The following DUSP29 variants were observed in gnomAD, a reference collection of about 807,000 sequenced individuals.
The protein encoded by DUSP29 is atypical dual-specific protein phosphatase.
Under a neutral mutation model 13.5 loss-of-function variants are expected in DUSP29, and 12 were observed. The ratio of observed to expected loss-of-function variants is 0.89; its 90% CI spans 0.57 to 1.44. The LOEUF (loss-of-function observed/expected upper bound fraction) is 1.44. Ranked by LOEUF, DUSP29 falls within the 40% of genes most tolerant of loss-of-function variation. DUSP29 has a pLI of 0.00. For synonymous variants in DUSP29, 134 were observed against 128.7 expected (o/e 1.04, Z -0.28); for missense variants, 308 against 301.1 (o/e 1.02, Z -0.17).
chr10:75,072,091 A>G (rs1183652865), intron 1 of DUSP29, among the ~76,000 whole-genome samples: 3 of 152,212 alleles, frequency 2.0e-5, no homozygotes, highest in Admixed American at 6.5e-5. Context: ...CTTCTACTCA[A>G]TAAAACCTTG....
chr10:75,044,121 T>C, intron 2 of DUSP29, 104 bp from the exon 3 acceptor site: 1 of 1,106,228 alleles, frequency 9.0e-7, no homozygotes, highest in Non-Finnish European at 1.3e-6. Flanking sequence ...AGTTCCAGAA[T>C]GAGGACTAGT....
At chr10:75,066,691 C>T (rs1011030428) in intron 1 of DUSP29, among the ~76,000 whole-genome samples, 2 of 152,098 alleles carry the variant, frequency 1.3e-5, no homozygotes, top group Non-Finnish European at 2.9e-5. Context: ...TCACCCAAAA[C>T]CCCCGGGCCG....
At chr10:75,052,881 C>T (rs1846874180) in intron 2 of DUSP29, among the ~76,000 whole-genome samples, 1 of 152,264 alleles carries the variant, frequency 6.6e-6, no homozygotes, top group African/African-American at 2.4e-5. Flanking sequence ...GTTATACTTT[C>T]CTGCCCCACT....
chr10:75,056,643 G>A (rs1208048380), intron 2 of DUSP29, among the ~76,000 whole-genome samples: 3 of 151,934 alleles, frequency 2.0e-5, no homozygotes. Flanking sequence ...CTCCAGCCTG[G>A]GTGACAGAGG....
chr10:75,053,465 A>G (rs1846889929), intron 2 of DUSP29, among the ~76,000 whole-genome samples: 1 of 152,222 alleles, frequency 6.6e-6, no homozygotes. Flanking sequence ...ATTTCATTTA[A>G]TCTTCACCCA....
intron 2 of DUSP29, among the ~76,000 whole-genome samples, chr10:75,052,322 T>C (rs1195286222): frequency 3.5e-5 from 5 of 143,014 alleles, no homozygotes; most frequent in South Asian, 2.5e-4. Flanking sequence ...TTTTTTTTTT[T>C]CTTGAGACGG....
intron 2 of DUSP29, among the ~76,000 whole-genome samples, chr10:75,057,829 A>G (rs1288021516): frequency 6.6e-6 from 1 of 152,222 alleles, no homozygotes; most frequent in East Asian, 1.9e-4. Context: ...GCTAGCTAAA[A>G]TAAAAGACTA....
chr10:75,048,094 G>A (rs752521338), intron 2 of DUSP29, among the ~76,000 whole-genome samples: 22 of 152,106 alleles, frequency 1.4e-4, no homozygotes, highest in South Asian at 4.1e-4. Context: ...GTTTATGTCC[G>A]TAGGAGACAT....
chr10:75,050,406 A>T (rs1589860933), intron 2 of DUSP29, among the ~76,000 whole-genome samples: 2 of 152,392 alleles, frequency 1.3e-5, no homozygotes, highest in Non-Finnish European at 2.9e-5. Flanking sequence ...GGAGGACAAC[A>T]CTTGGTTAAC....
Position 75,039,400 on chromosome 10 carries a change from C to T in DUSP29, c.422-1323G>A, listed in dbSNP as rs184036896. Among the ~76,000 whole-genome samples the T allele has an allele frequency of 6.6e-5, 10 of 152,234 alleles. No individual in the cohort carries two copies. The East Asian group carries it at 1.5e-3, about 24-fold the overall frequency. Reference sequence around the variant, plus strand: ...AGTCGTGGTGGTGCACCTGTAGTCCCGGCTACTCAGGAGGCGGAGGCAGGA... The same window carrying T: ...AGTCGTGGTGGTGCACCTGTAGTCCTGGCTACTCAGGAGGCGGAGGCAGGA... On this transcript the variant is annotated intron_variant, in intron 3 of 3. Coordinates refer to ENST00000338487, the MANE Select transcript of DUSP29 (RefSeq NM_001003892.3).
intron 1 of DUSP29, among the ~76,000 whole-genome samples, chr10:75,073,013 G>A (rs1468468140): frequency 2.0e-5 from 3 of 150,128 alleles, no homozygotes; most frequent in Non-Finnish European, 3.0e-5. Flanking sequence ...TCTCTACCAC[G>A]GCAGCGTCAT....
At chr10:75,047,203 C>A (rs1428144276) in intron 2 of DUSP29, among the ~76,000 whole-genome samples, 2 of 152,190 alleles carry the variant, frequency 1.3e-5, no homozygotes, top group Non-Finnish European at 2.9e-5. Flanking sequence ...GAGTTGGTAT[C>A]CTCACACATC....
intron 2 of DUSP29, 66 bp downstream of exon 2, chr10:75,058,249 G>A: frequency 1.3e-6 from 2 of 1,541,994 alleles, no homozygotes; most frequent in Non-Finnish European, 1.8e-6. Flanking sequence ...CTAGGAGGTG[G>A]CGCAGGGCGT....
intron 1 of DUSP29, 100 bp from the exon 2 acceptor site, chr10:75,058,648 G>A (rs1847020412): frequency 1.9e-6 from 2 of 1,070,948 alleles, no homozygotes; most frequent in East Asian, 2.6e-5. Context: ...CTTAAAATTT[G>A]GAAAGAGTTT....
intron 3 of DUSP29, 74 bp from the exon 4 acceptor site, chr10:75,038,151 A>G (rs956311430): frequency 1.3e-6 from 2 of 1,536,068 alleles, no homozygotes; most frequent in African/African-American, 2.7e-5. Flanking sequence ...GCCCACTCCC[A>G]TCCTGACTGT....
intron 3 of DUSP29, among the ~76,000 whole-genome samples, chr10:75,040,095 G>A (rs1846552067): frequency 6.6e-6 from 1 of 152,106 alleles, no homozygotes; most frequent in Admixed American, 6.5e-5. Flanking sequence ...AGAATCGCTT[G>A]AATCCGGGAG....
intron 1 of DUSP29, among the ~76,000 whole-genome samples, chr10:75,066,345 C>T (rs1470343363): frequency 4.0e-5 from 6 of 151,786 alleles, no homozygotes; most frequent in Admixed American, 3.3e-4. Context: ...AACCCTTCAA[C>T]AGAATTGTTA....
intron 1 of DUSP29, among the ~76,000 whole-genome samples, chr10:75,062,707 G>T (rs917119979): frequency 2.0e-5 from 3 of 152,180 alleles, no homozygotes; most frequent in African/African-American, 7.2e-5. Context: ...TTCTCAGAGA[G>T]GCCAGGAGCA....
At chr10:75,061,793 C>T (rs1008169216) in intron 1 of DUSP29, among the ~76,000 whole-genome samples, 4 of 152,008 alleles carry the variant, frequency 2.6e-5, no homozygotes, top group Non-Finnish European at 5.9e-5. Context: ...GTGTCTGGCA[C>T]GTAAGAGGTG....
Sources: allele counts gnomAD v4.1 joint callset (sites outside exome capture counted in the v4.1 genomes callset), GRCh38; gene constraint gnomAD v4.1.1; transcripts MANE v1.5; gene names NCBI Gene and HGNC (gene_info 2026-07-23, HGNC 2026-07-21).